Variants in EIF3H observed in about 807,000 individuals in gnomAD.
The protein encoded by EIF3H is eukaryotic translation initiation factor 3 subunit H.
A neutral mutation model predicts 44.2 loss-of-function variants in EIF3H; 26 were observed. That is an observed-to-expected ratio of 0.59 (90% confidence interval 0.43 to 0.82). The LOEUF (loss-of-function observed/expected upper bound fraction) is 0.82, where lower values mean the gene tolerates loss of function less well. Among genes scored for constraint, EIF3H ranks in the 40% least tolerant of loss-of-function variants. The pLI is 0.00. For synonymous variants in EIF3H, 166 were observed against 151.9 expected, an observed-to-expected ratio of 1.09 and a Z score of -0.68; for missense variants, 359 against 432.8, an observed-to-expected ratio of 0.83 and a Z score of 1.51.
intron 2 of EIF3H, among the ~76,000 whole-genome samples, chr8:116,714,916 A>G (rs1271124779): frequency 6.6e-6 from 1 of 152,106 alleles, no homozygotes; most frequent in Non-Finnish European, 1.5e-5. Flanking sequence ...AAGGCAAAAT[A>G]GTAACCACAG....
At chr8:116,763,719 GAATGTTAACA>G (rs1815541529) in intron 1 of EIF3H, among the ~76,000 whole-genome samples, 1 of 152,100 alleles carries the variant, frequency 6.6e-6, no homozygotes, top group Non-Finnish European at 1.5e-5. Flanking sequence ...TTGAGCTAAT[GAATGTTAACA>G]AATGTTTATA....
chr8:116,687,418 C>T (rs1053185414), intron 2 of EIF3H, among the ~76,000 whole-genome samples: 3 of 152,108 alleles, frequency 2.0e-5, no homozygotes, highest in Non-Finnish European at 4.4e-5. Flanking sequence ...ACTTTTGGAG[C>T]TTCAGCAAAA....
chr8:116,646,590 C>A lies in EIF3H; in HGVS notation c.842G>T (p.Arg281Leu), dbSNP rs750769411. The stretch of plus-strand genomic sequence containing the variant: ...CTGGCGCTGCATATTCTCCTGCTGG[C>A]GACGCTGCTGATACTAAAATTCAAA... ...QQQKHQYQQR[R>L]QQENMQRQSR... Residue 281 changes from arginine (R) to leucine (L), a missense_variant, in exon 7 of 8, where the codon CGC becomes CTC. Transcript: ENST00000521861. 1.2e-6 allele frequency: 2 copies of A among 1,613,950 alleles called. No individual in the cohort carries two copies. The highest frequency in any genetic ancestry group is 1.3e-5 in the African/African-American group (1 of 74,972).
rs1237484008 is a variant in EIF3H, at chr8:116,642,611, T to C, written c.*2395A>G. ...TTTCATTAGATTAACATGCTAGCTT[T>C]TCCTGTCTTTCTGTTCTTGGGTAAG... is the stretch of plus-strand genomic sequence containing the variant. On this transcript the variant is annotated 3_prime_UTR_variant, in exon 8 of 8. Transcript: ENST00000521861. 6.6e-6 allele frequency: 1 copy of C among 152,234 alleles called. No homozygotes were observed. The highest frequency in any genetic ancestry group is 1.5e-5 in the Non-Finnish European group (1 of 68,036). 9.4% of individuals were successfully genotyped at this position (152,234 alleles called of 1,614,324 possible). A position where few individuals can be genotyped will look rare whatever the true frequency, so the allele number is the denominator to read the frequency against.
intron 1 of EIF3H, among the ~76,000 whole-genome samples, chr8:116,733,448 T>C (rs1220973267): frequency 6.6e-6 from 1 of 152,098 alleles, no homozygotes; most frequent in Non-Finnish European, 1.5e-5. Flanking sequence ...CTGACCTAAA[T>C]CACCTCATTA....
At chr8:116,720,948 T>G (rs1814733597) in intron 2 of EIF3H, among the ~76,000 whole-genome samples, 1 of 152,050 alleles carries the variant, frequency 6.6e-6, no homozygotes, top group Non-Finnish European at 1.5e-5. Context: ...TTGGAAAATT[T>G]GCAGCCTAAC....
At chr8:116,753,441 G>C (rs1280214077) in intron 1 of EIF3H, among the ~76,000 whole-genome samples, 1 of 152,172 alleles carries the variant, frequency 6.6e-6, no homozygotes, top group Non-Finnish European at 1.5e-5. Context: ...GTAATCAAAA[G>C]GGTCTTTTTG....
intron 2 of EIF3H, among the ~76,000 whole-genome samples, chr8:116,713,673 G>C (rs1814611553): frequency 1.3e-5 from 2 of 152,086 alleles, no homozygotes; most frequent in South Asian, 4.1e-4. Context: ...AACACATAAA[G>C]TAAATTTAGG....
intron 1 of EIF3H, among the ~76,000 whole-genome samples, chr8:116,728,923 G>C (rs1310231865): frequency 6.6e-6 from 1 of 152,132 alleles, no homozygotes; most frequent in Non-Finnish European, 1.5e-5. Flanking sequence ...CATAGTAAGT[G>C]CTCAATAAAT....
chr8:116,734,220 C>G (rs944716355), intron 1 of EIF3H: 1 of 451,772 alleles, frequency 2.2e-6, no homozygotes, highest in Non-Finnish European at 4.4e-6. Flanking sequence ...TTACAGATTG[C>G]GGAAATTGCT....
chr8:116,741,336 G>A (rs901963187), intron 1 of EIF3H, among the ~76,000 whole-genome samples: 4 of 151,898 alleles, frequency 2.6e-5, no homozygotes, highest in Admixed American at 1.3e-4. Flanking sequence ...TCTTTAAGAC[G>A]CATCAATCAG....
chr8:116,752,145 AAAAG>A (rs1271884631), intron 1 of EIF3H, among the ~76,000 whole-genome samples: 2 of 152,248 alleles, frequency 1.3e-5, no homozygotes, highest in Admixed American at 6.5e-5. Context: ...GTATGAAAGC[AAAAG>A]AAAGAAACCA....
intron 2 of EIF3H, among the ~76,000 whole-genome samples, chr8:116,677,972 G>A (rs1390017954): frequency 6.6e-6 from 1 of 152,226 alleles, no homozygotes; most frequent in Non-Finnish European, 1.5e-5. Context: ...ATATATTCAT[G>A]CTTTCAAGAG....
At chr8:116,708,870 T>C (rs770493683) in intron 2 of EIF3H, among the ~76,000 whole-genome samples, 3 of 152,056 alleles carry the variant, frequency 2.0e-5, no homozygotes, top group African/African-American at 4.8e-5. Flanking sequence ...ATGAACTTAA[T>C]ATTCAACTGC....
intron 2 of EIF3H, among the ~76,000 whole-genome samples, chr8:116,701,715 T>C (rs1279312049): frequency 1.3e-5 from 2 of 152,166 alleles, no homozygotes; most frequent in South Asian, 2.1e-4. Flanking sequence ...AATTGATAGA[T>C]AATGTATAAA....
At chr8:116,651,776 T>A (rs892849562) in intron 5 of EIF3H, among the ~76,000 whole-genome samples, 1 of 152,212 alleles carries the variant, frequency 6.6e-6, no homozygotes, top group Non-Finnish European at 1.5e-5. Flanking sequence ...AGTATTAGAA[T>A]TGGGCAAGAC....
intron 5 of EIF3H, among the ~76,000 whole-genome samples, chr8:116,649,248 T>C (rs554035419): frequency 1.2e-4 from 19 of 152,328 alleles, no homozygotes; most frequent in African/African-American, 4.3e-4. Flanking sequence ...AGTTCAGTAT[T>C]CCCAAATTCT....
chr8:116,755,900 G>A (rs184799345), upstream of EIF3H: 360 of 1,556,402 alleles, frequency 2.3e-4, no homozygotes, highest in African/African-American at 4.6e-3. Context: ...GGGCGGAGAC[G>A]GAAGGAGAAG....
chr8:116,733,538 G>C (rs2130941514), intron 1 of EIF3H, among the ~76,000 whole-genome samples: 1 of 152,060 alleles, frequency 6.6e-6, no homozygotes, highest in East Asian at 1.9e-4. Context: ...TAAAGGTTTG[G>C]GGAACAGTGT....
Sources: allele counts gnomAD v4.1 joint callset (sites outside exome capture counted in the v4.1 genomes callset), GRCh38; gene constraint gnomAD v4.1.1; transcripts MANE v1.5; gene names NCBI Gene and HGNC (gene_info 2026-07-23, HGNC 2026-07-21).